EML6: variants seen among roughly 807,000 people sequenced by gnomAD.
EML6 encodes echinoderm microtubule-associated protein-like 6.
Under a neutral mutation model 240.1 loss-of-function variants are expected in EML6, and 154 were observed. The observed-to-expected ratio is 0.64, with a 90% confidence interval of 0.56 to 0.73. The LOEUF (loss-of-function observed/expected upper bound fraction) is 0.73, where lower values mean the gene tolerates loss of function less well. EML6 is among the 30% of genes least tolerant of loss of function. The pLI, the probability that EML6 is intolerant of heterozygous loss-of-function variation, is 0.00. For missense variants in EML6, 2,964 were observed against 2,474.6 expected, an observed-to-expected ratio of 1.20 and a Z score of -4.20; for synonymous variants, 1,148 against 899.0, an observed-to-expected ratio of 1.28 and a Z score of -4.95.
intron 2 of EML6, among the ~76,000 whole-genome samples, chr2:54,798,803 A>G (rs1437377471): frequency 6.6e-6 from 1 of 152,234 alleles, no homozygotes; most frequent in Non-Finnish European, 1.5e-5. Flanking sequence ...TTGTACTGCT[A>G]GGACCTGCAG....
At chr2:54,893,598 T>C (rs1006192787) in intron 19 of EML6, among the ~76,000 whole-genome samples, 1 of 152,184 alleles carries the variant, frequency 6.6e-6, no homozygotes, top group African/African-American at 2.4e-5. Context: ...ACCTTCAGTG[T>C]TTTAAAACAC....
At chr2:54,797,467 G>T (rs1187207874) in intron 2 of EML6, among the ~76,000 whole-genome samples, 1 of 152,096 alleles carries the variant, frequency 6.6e-6, no homozygotes, top group African/African-American at 2.4e-5. Flanking sequence ...TCATACACAG[G>T]TATATATCGG....
chr2:54,952,158 AGTG>A (rs1676012850), intron 30 of EML6, among the ~76,000 whole-genome samples: 1 of 152,196 alleles, frequency 6.6e-6, no homozygotes, highest in Non-Finnish European at 1.5e-5. Flanking sequence ...CACATGAAGA[AGTG>A]GTACCATTTT....
intron 24 of EML6, among the ~76,000 whole-genome samples, chr2:54,907,281 T>G (rs1023624617): frequency 6.6e-6 from 1 of 152,056 alleles, no homozygotes; most frequent in Non-Finnish European, 1.5e-5. Flanking sequence ...GAGGCTGAGG[T>G]GGGTGACCTG....
Position 54,836,884 on chromosome 2 carries a change from A to T in EML6, c.848-7163A>T, listed in dbSNP as rs192462840. 9.5e-4 allele frequency among the ~76,000 whole-genome samples: 145 copies of T among 152,112 alleles called. 1 individual carries two copies. Among genetic ancestry groups the T allele is most frequent in the Admixed American group, 1.3e-3 (20 of 15,278 alleles). Reference sequence around the variant, plus strand: ...CTCCTTCATTTCTTTCACATTTCCAAACTCTGTCTTCAGCATTACCCTTAG... The same window carrying T: ...CTCCTTCATTTCTTTCACATTTCCATACTCTGTCTTCAGCATTACCCTTAG... On this transcript the variant is annotated intron_variant, in intron 7 of 41. Coordinates refer to ENST00000356458, the MANE Select transcript of EML6 (RefSeq NM_001039753.4).
intron 2 of EML6, among the ~76,000 whole-genome samples, chr2:54,789,357 C>CA (rs376815796): frequency 6.6e-6 from 1 of 150,646 alleles, no homozygotes; most frequent in African/African-American, 2.4e-5. Context: ...ACTAAAAATA[C>CA]AAAAAAATTA....
intron 29 of EML6, 94 bp downstream of exon 29, chr2:54,949,054 G>A (rs1231751967): frequency 3.3e-6 from 3 of 922,638 alleles, no homozygotes; most frequent in East Asian, 2.6e-5. Context: ...ACAGTCAAAT[G>A]AAACGGAGTA....
At chr2:54,861,088 T>C (rs1670647438) in intron 12 of EML6, among the ~76,000 whole-genome samples, 1 of 152,188 alleles carries the variant, frequency 6.6e-6, no homozygotes, top group Non-Finnish European at 1.5e-5. Context: ...CTTCCAATGC[T>C]ACTTGATGGC....
At position 54,916,908 on chromosome 2, in the gene EML6, C is replaced by T. The variant is rs765170669; in HGVS notation, c.3648C>T (p.Phe1216=). ...TAGCCACCGGAGATGATTTTGGTTT[C>T]GTTAAGCTTTTTTCATATCCTGTCA... is the stretch of plus-strand genomic sequence containing the variant. ...SLLATGDDFG[F]VKLFSYPVKG... Residue 1216 remains phenylalanine, a synonymous_variant, in exon 26 of 42, where the codon TTC becomes TTT. Transcript: ENST00000356458. 1.2e-4 allele frequency: 179 copies of T among 1,547,280 alleles called. No homozygotes were observed. The highest frequency in any genetic ancestry group is 1.7e-4 in the Middle Eastern group (1 of 6,002).
intron 3 of EML6, among the ~76,000 whole-genome samples, chr2:54,814,871 TAGTC>T (rs1273930207): frequency 6.6e-6 from 1 of 152,246 alleles, no homozygotes; most frequent in African/African-American, 2.4e-5. Flanking sequence ...CTCATCCAGT[TAGTC>T]AGTTTAATGC....
At chr2:54,884,210 C>T (rs1004376238) in intron 17 of EML6, among the ~76,000 whole-genome samples, 3 of 130,436 alleles carry the variant, frequency 2.3e-5, no homozygotes, top group African/African-American at 8.6e-5. Flanking sequence ...GACATACTTA[C>T]TTCATTTGCC....
At chr2:54,839,449 T>A (rs1259226821) in intron 7 of EML6, among the ~76,000 whole-genome samples, 1 of 152,208 alleles carries the variant, frequency 6.6e-6, no homozygotes, top group African/African-American at 2.4e-5. Context: ...ACAATTGATG[T>A]GTTGAAAGAA....
At chr2:54,889,006 A>G (rs907194711) in intron 17 of EML6, among the ~76,000 whole-genome samples, 1 of 152,356 alleles carries the variant, frequency 6.6e-6, no homozygotes, top group East Asian at 1.9e-4. Context: ...TTAGCACTCC[A>G]CAGACTAGCC....
At chr2:54,908,349 A>G (rs1361533120) in intron 24 of EML6, among the ~76,000 whole-genome samples, 1 of 151,870 alleles carries the variant, frequency 6.6e-6, no homozygotes, top group African/African-American at 2.4e-5. Flanking sequence ...AGCTGAGACC[A>G]CAGGTGCCTG....
chr2:54,884,248 AG>A (rs965305243), intron 17 of EML6, among the ~76,000 whole-genome samples: 17 of 131,182 alleles, frequency 1.3e-4, no homozygotes, highest in African/African-American at 4.5e-4. Context: ...ATGGTTGGGA[AG>A]CTATATAGGG....
intron 26 of EML6, among the ~76,000 whole-genome samples, chr2:54,927,967 TCA>T (rs567050412): frequency 3.0e-4 from 45 of 152,336 alleles, no homozygotes; most frequent in African/African-American, 1.0e-3. Context: ...TCAGCCAGAC[TCA>T]CAGTCAGGAG....
At chr2:54,887,937 A>G (rs1672242767) in intron 17 of EML6, among the ~76,000 whole-genome samples, 1 of 152,188 alleles carries the variant, frequency 6.6e-6, no homozygotes, top group Non-Finnish European at 1.5e-5. Context: ...CGAAGTCCGC[A>G]GTTTATATTA....
chr2:54,755,817 G>C (rs545274100), intron 2 of EML6, among the ~76,000 whole-genome samples: 1 of 151,898 alleles, frequency 6.6e-6, no homozygotes, highest in African/African-American at 2.4e-5. Context: ...AGGCAACCAC[G>C]CCTGGCTAAT....
intron 28 of EML6, among the ~76,000 whole-genome samples, chr2:54,939,923 A>T (rs1043462172): frequency 2.3e-4 from 35 of 152,364 alleles, no homozygotes; most frequent in African/African-American, 7.9e-4. Flanking sequence ...ACAAGCAAAC[A>T]CGAGGAGGCG....
Sources: allele counts gnomAD v4.1 joint callset (sites outside exome capture counted in the v4.1 genomes callset), GRCh38; gene constraint gnomAD v4.1.1; transcripts MANE v1.5; gene names NCBI Gene and HGNC (gene_info 2026-07-23, HGNC 2026-07-21).